The following GPATCH2 variants were observed in gnomAD, a reference collection of about 807,000 sequenced individuals.
GPATCH2 encodes G-patch domain containing 2.
GPATCH2 carries 51 observed loss-of-function variants against 58.0 expected under a neutral mutation model. The observed-to-expected ratio is 0.88, with a 90% CI of 0.70 to 1.11. GPATCH2 has a LOEUF of 1.11. Ranked by LOEUF, GPATCH2 falls within the 50% of genes most tolerant of loss-of-function variation. GPATCH2 has a pLI of 0.00. For synonymous variants in GPATCH2, 222 were observed against 218.5 expected (o/e 1.02, Z -0.14); for missense variants, 625 against 652.2 (o/e 0.96, Z 0.45).
chr1:217,578,090 C>A, intron 5 of GPATCH2, among the ~76,000 whole-genome samples: 1 of 70,096 alleles, frequency 1.4e-5, no homozygotes, highest in Admixed American at 1.9e-4. Context: ...GGGGGTGGGG[C>A]GGGGGGCGGG....
chr1:217,617,291 T>C (rs1156522361), intron 2 of GPATCH2, among the ~76,000 whole-genome samples: 1 of 152,182 alleles, frequency 6.6e-6, no homozygotes, highest in Non-Finnish European at 1.5e-5. Context: ...ATGAATGCCA[T>C]TTCCCTCTCT....
intron 8 of GPATCH2, among the ~76,000 whole-genome samples, chr1:217,486,579 C>T (rs1661463016): frequency 1.3e-5 from 2 of 152,122 alleles, no homozygotes; most frequent in Non-Finnish European, 2.9e-5. Flanking sequence ...GTGATCCTCC[C>T]GCCTTGGCCT....
At chr1:217,610,092 G>C in intron 5 of GPATCH2, 1 of 1,530,168 alleles carries the variant, frequency 6.5e-7, no homozygotes. Flanking sequence ...ACAGGAGCCA[G>C]GTTCCCTCGA....
In GPATCH2 at chr1:217,611,091, C is replaced by A. The variant is rs766389627; in HGVS notation, c.836-20G>T. On this transcript the variant is annotated intron_variant, in intron 3 of 9. Coordinates refer to ENST00000366935, the MANE Select transcript of GPATCH2 (RefSeq NM_018040.5). ...CATCACCTGTGCAAATACAAGAAAC[C>A]CCCCCCCACCAAAGACTCAGTTTTA... 6.3e-7 allele frequency: 1 copy of A among 1,583,062 alleles called. No individual in the cohort carries two copies. The highest frequency in any genetic ancestry group is 8.6e-7 in the Non-Finnish European group (1 of 1,162,044).
At chr1:217,599,656 G>T (rs1171351305) in intron 5 of GPATCH2, among the ~76,000 whole-genome samples, 2 of 152,190 alleles carry the variant, frequency 1.3e-5, no homozygotes, top group East Asian at 3.9e-4. Flanking sequence ...CCAGCCCCTT[G>T]AACAATGAAG....
At chr1:217,556,859 T>C (rs1319700576) in intron 5 of GPATCH2, among the ~76,000 whole-genome samples, 1 of 152,226 alleles carries the variant, frequency 6.6e-6, no homozygotes, top group African/African-American at 2.4e-5. Flanking sequence ...GATAATCATT[T>C]GTACTGTCTG....
At chr1:217,463,572 A>C (rs1006022609) in intron 8 of GPATCH2, among the ~76,000 whole-genome samples, 1 of 140,710 alleles carries the variant, frequency 7.1e-6, no homozygotes, top group African/African-American at 2.7e-5. Context: ...TGGGAGGCTG[A>C]GATGGGAGGA....
intron 5 of GPATCH2, among the ~76,000 whole-genome samples, chr1:217,537,933 A>T (rs1225681946): frequency 6.6e-6 from 1 of 152,170 alleles, no homozygotes; most frequent in Non-Finnish European, 1.5e-5. Context: ...TTCAGTAACA[A>T]ACACTAGGTT....
intron 8 of GPATCH2, among the ~76,000 whole-genome samples, chr1:217,455,921 G>A (rs1659921334): frequency 6.6e-6 from 1 of 151,986 alleles, no homozygotes; most frequent in African/African-American, 2.4e-5. Flanking sequence ...AAGAGAAGGA[G>A]CATCTGAACG....
intron 5 of GPATCH2, among the ~76,000 whole-genome samples, chr1:217,594,343 A>G (rs1336098202): frequency 6.6e-6 from 1 of 152,164 alleles, no homozygotes. Flanking sequence ...TAAAAAAAGT[A>G]TATTTTATTA....
At chr1:217,526,900 T>C (rs958664060) in intron 5 of GPATCH2, among the ~76,000 whole-genome samples, 1 of 152,170 alleles carries the variant, frequency 6.6e-6, no homozygotes, top group Non-Finnish European at 1.5e-5. Flanking sequence ...CAATTGTGAA[T>C]TGTGCCTGCA....
intron 5 of GPATCH2, among the ~76,000 whole-genome samples, chr1:217,530,281 C>T (rs553585999): frequency 6.6e-6 from 1 of 152,316 alleles, no homozygotes; most frequent in South Asian, 2.1e-4. Flanking sequence ...GGTCCAAATA[C>T]TAACTTCTCC....
chr1:217,506,349 A>C (rs1662562278), intron 6 of GPATCH2, among the ~76,000 whole-genome samples: 1 of 152,196 alleles, frequency 6.6e-6, no homozygotes, highest in Admixed American at 6.5e-5. Context: ...CAAGTATGAA[A>C]AACTATACAC....
At chr1:217,465,815 A>G (rs184460455) in intron 8 of GPATCH2, among the ~76,000 whole-genome samples, 3 of 152,348 alleles carry the variant, frequency 2.0e-5, no homozygotes, top group Non-Finnish European at 4.4e-5. Context: ...CTAAAAAAGG[A>G]TAACTTCATC....
intron 5 of GPATCH2, among the ~76,000 whole-genome samples, chr1:217,536,326 A>G (rs1448985320): frequency 6.6e-6 from 1 of 152,210 alleles, no homozygotes; most frequent in East Asian, 1.9e-4. Flanking sequence ...AAAAAGAGAA[A>G]ATACATAGAA....
intron 8 of GPATCH2, among the ~76,000 whole-genome samples, chr1:217,472,296 C>CT (rs11326840): frequency 0.018 from 1,659 of 89,898 alleles, 32 homozygotes; most frequent in Non-Finnish European, 0.024. Context: ...TTTCAACAGA[C>CT]TTTTTTTTTT....
chr1:217,610,269 A>G, intron 5 of GPATCH2, 52 bp downstream of exon 5: 1 of 1,476,328 alleles, frequency 6.8e-7, no homozygotes, highest in Non-Finnish European at 9.5e-7. Context: ...TTTATTCCAT[A>G]GAAATGGAAA....
chr1:217,489,737 C>T (rs2102530370), intron 8 of GPATCH2, among the ~76,000 whole-genome samples: 1 of 152,312 alleles, frequency 6.6e-6, no homozygotes, highest in East Asian at 1.9e-4. Context: ...CGGCACATGC[C>T]TGTAATCCCA....
chr1:217,500,000 CT>C (rs1308346244), intron 6 of GPATCH2, among the ~76,000 whole-genome samples: 1 of 151,964 alleles, frequency 6.6e-6, no homozygotes, highest in African/African-American at 2.4e-5. Flanking sequence ...AGACTTAGCT[CT>C]TTTTTAACTC....
Sources: allele counts gnomAD v4.1 joint callset (sites outside exome capture counted in the v4.1 genomes callset), GRCh38; gene constraint gnomAD v4.1.1; transcripts MANE v1.5; gene names NCBI Gene and HGNC (gene_info 2026-07-23, HGNC 2026-07-21).